MSRB3: variants seen among roughly 807,000 people sequenced by gnomAD.
The protein encoded by MSRB3 is methionine-R-sulfoxide reductase B3.
Under a neutral mutation model 21.0 loss-of-function variants are expected in MSRB3, and 13 were observed. That is an observed-to-expected ratio of 0.62 (90% CI 0.40 to 0.98). The LOEUF (loss-of-function observed/expected upper bound fraction) is 0.98. Among genes scored for constraint, MSRB3 ranks in the 50% least tolerant of loss-of-function variants. The pLI is 0.00. For missense variants in MSRB3, 199 were observed against 230.3 expected (o/e 0.86, Z 0.88); for synonymous variants, 87 against 88.6 (o/e 0.98, Z 0.10).
At chr12:65,338,112 C>G (rs956421570) in intron 4 of MSRB3, among the ~76,000 whole-genome samples, 1 of 152,148 alleles carries the variant, frequency 6.6e-6, no homozygotes, top group Non-Finnish European at 1.5e-5. Flanking sequence ...CAAGTTGACA[C>G]TAAGATGGCG....
At chr12:65,303,075 T>C (rs1293571110) in intron 1 of MSRB3, among the ~76,000 whole-genome samples, 3 of 152,128 alleles carry the variant, frequency 2.0e-5, no homozygotes, top group Non-Finnish European at 1.5e-5. Context: ...CCTACAGTTC[T>C]GGGTGTGGTG....
chr12:65,435,530 A>G (rs1003668260), intron 5 of MSRB3, among the ~76,000 whole-genome samples: 2 of 151,938 alleles, frequency 1.3e-5, no homozygotes, highest in Admixed American at 6.6e-5. Flanking sequence ...AGTCTGAGCA[A>G]TATTGATTTT....
At chr12:65,395,412 G>C (rs866460970) in intron 5 of MSRB3, among the ~76,000 whole-genome samples, 1 of 151,886 alleles carries the variant, frequency 6.6e-6, no homozygotes, top group Admixed American at 6.6e-5. Context: ...GTTGCAGTGA[G>C]CCAAAATTGC....
intron 5 of MSRB3, among the ~76,000 whole-genome samples, chr12:65,394,088 T>C (rs1879643456): frequency 6.6e-6 from 1 of 152,178 alleles, no homozygotes; most frequent in Non-Finnish European, 1.5e-5. Flanking sequence ...ATATGGAATA[T>C]GAAACCATTT....
At chr12:65,459,599 T>G (rs1883233901) in intron 6 of MSRB3, among the ~76,000 whole-genome samples, 1 of 152,222 alleles carries the variant, frequency 6.6e-6, no homozygotes, top group Non-Finnish European at 1.5e-5. Context: ...ATTGCTTTTC[T>G]TCTTAAAACT....
chr12:65,325,757 T>C (rs1874982765), intron 2 of MSRB3, among the ~76,000 whole-genome samples: 1 of 152,190 alleles, frequency 6.6e-6, no homozygotes, highest in Admixed American at 6.5e-5. Context: ...AAGAACTCTC[T>C]ACATTTAGGA....
At chr12:65,361,986 G>A (rs1484334640) in intron 4 of MSRB3, among the ~76,000 whole-genome samples, 1 of 152,014 alleles carries the variant, frequency 6.6e-6, no homozygotes, top group Admixed American at 6.6e-5. Flanking sequence ...TAACATAGAG[G>A]CCTAAGTTTT....
Position 65,278,802 on chromosome 12 carries a change from T to A in MSRB3, c.-115T>A, listed in dbSNP as rs771974413. ...GCGGCGGACCCTCCCGCGCCCCCTC[T>A]CGCTCTGCCTCTCCCTCTGCCTCTG... On this transcript the variant is annotated 5_prime_UTR_variant, in exon 1 of 7. Transcript: ENST00000308259. The A allele has an allele frequency of 1.3e-5, 21 of 1,570,756 alleles. No homozygotes were observed. Among genetic ancestry groups the A allele is most frequent in the Non-Finnish European group, 1.8e-5 (21 of 1,158,538 alleles).
intron 2 of MSRB3, 147 bp downstream of exon 2, chr12:65,308,802 C>T (rs963234873): frequency 9.9e-7 from 1 of 1,005,108 alleles, no homozygotes; most frequent in Non-Finnish European, 1.5e-6. Flanking sequence ...TTATAAATCA[C>T]CACTCTACTT....
intron 5 of MSRB3, among the ~76,000 whole-genome samples, chr12:65,380,952 A>G (rs960294074): frequency 1.3e-5 from 2 of 152,186 alleles, no homozygotes; most frequent in African/African-American, 2.4e-5. Context: ...CACATGACAT[A>G]CTTGCTCACA....
At chr12:65,331,718 G>C (rs1472462966) in intron 4 of MSRB3, among the ~76,000 whole-genome samples, 1 of 152,238 alleles carries the variant, frequency 6.6e-6, no homozygotes, top group Non-Finnish European at 1.5e-5. Flanking sequence ...CGTGTAGCTG[G>C]AAAGCAGAGT....
rs1219506558 is a variant in MSRB3, at chr12:65,327,982, A to G, written c.186-544A>G. 2.6e-5 allele frequency among the ~76,000 whole-genome samples: 4 copies of G among 152,216 alleles called. No homozygotes were observed. In the South Asian group the frequency reaches 6.2e-4, roughly 24 times the overall value. On this transcript the variant is annotated intron_variant, in intron 3 of 6. Coordinates refer to ENST00000308259, the MANE Select transcript of MSRB3 (RefSeq NM_001031679.3). ...TGGACCTCATAAAGAGGGTGAAAGG[A>G]TAATAAAAACAAGCTGCAGAGCACA...
intron 2 of MSRB3, among the ~76,000 whole-genome samples, chr12:65,313,871 T>C (rs1448184952): frequency 6.6e-6 from 1 of 152,188 alleles, no homozygotes; most frequent in Non-Finnish European, 1.5e-5. Context: ...AATTTGCAAT[T>C]AGTTGATTAA....
chr12:65,438,927 A>C (rs1381862883), intron 5 of MSRB3, among the ~76,000 whole-genome samples: 2 of 151,896 alleles, frequency 1.3e-5, no homozygotes, highest in Non-Finnish European at 2.9e-5. Flanking sequence ...CATAAAATGG[A>C]CAAATATAAG....
chr12:65,398,940 G>A (rs950612552), intron 5 of MSRB3, among the ~76,000 whole-genome samples: 5 of 152,038 alleles, frequency 3.3e-5, no homozygotes, highest in Non-Finnish European at 7.4e-5. Flanking sequence ...TATTTCTGAG[G>A]CCTCTGTTCT....
At position 65,333,794 on chromosome 12, in the gene MSRB3, A is replaced by C. The variant is rs564251841; in HGVS notation, c.263+5191A>C. Among the ~76,000 whole-genome samples, 4 of 152,240 alleles carry C rather than the reference A, an allele frequency of 2.6e-5. No homozygotes were observed. In the South Asian group the frequency reaches 6.2e-4, roughly 24 times the overall value. On this transcript the variant is annotated intron_variant, in intron 4 of 6. Coordinates refer to ENST00000308259, the MANE Select transcript of MSRB3 (RefSeq NM_001031679.3). ...TAATTATCTGTCTATGTGCTTGTCT[A>C]CCCTCTTGGAGTGAATTTCACAATG...
chr12:65,372,640 A>G (rs1878389095), intron 5 of MSRB3, among the ~76,000 whole-genome samples: 1 of 152,220 alleles, frequency 6.6e-6, no homozygotes, highest in South Asian at 2.1e-4. Flanking sequence ...CCTCCCAAGA[A>G]GGGAAGTTAG....
At chr12:65,329,671 C>T (rs1223319430) in intron 4 of MSRB3, among the ~76,000 whole-genome samples, 1 of 151,340 alleles carries the variant, frequency 6.6e-6, no homozygotes, top group East Asian at 1.9e-4. Context: ...AAGTAAATGT[C>T]ATTTATTTAA....
At chr12:65,332,042 G>C (rs1428883187) in intron 4 of MSRB3, among the ~76,000 whole-genome samples, 1 of 152,204 alleles carries the variant, frequency 6.6e-6, no homozygotes, top group East Asian at 1.9e-4. Context: ...CCTCATGCTG[G>C]CTGACAAAGA....
Sources: gnomAD v4.1 joint callset for allele counts (sites outside exome capture counted in the v4.1 genomes callset) on GRCh38, gnomAD v4.1.1 for gene constraint, MANE v1.5 for transcripts, NCBI Gene and HGNC (gene_info 2026-07-23, HGNC 2026-07-21) for gene names.